Variants in PCDHGA3 observed in about 807,000 individuals in gnomAD.
PCDHGA3 encodes the protein protocadherin gamma subfamily A, 3, also known as protocadherin gamma-A3.
PCDHGA3 carries 40 observed loss-of-function variants against 58.5 expected under a neutral mutation model. The observed-to-expected ratio is 0.68, with a 90% CI of 0.53 to 0.89. The LOEUF (loss-of-function observed/expected upper bound fraction) is 0.89. PCDHGA3 is among the 40% of genes least tolerant of loss of function. The pLI is 0.00. For missense variants in PCDHGA3, 1,223 were observed against 1,195.9 expected (o/e 1.02, Z -0.33); for synonymous variants, 530 against 525.7 (o/e 1.01, Z -0.11).
At chr5:141,437,589 T>C (rs929281293) in intron 1 of PCDHGA3, among the ~76,000 whole-genome samples, 10 of 152,306 alleles carry the variant, frequency 6.6e-5, no homozygotes, top group African/African-American at 2.2e-4. Flanking sequence ...ATGAATTGGA[T>C]AGTTCTGGTG....
intron 1 of PCDHGA3, chr5:141,404,646 C>G (rs1461001534): frequency 3.1e-6 from 5 of 1,614,208 alleles, no homozygotes; most frequent in Non-Finnish European, 3.4e-6. Flanking sequence ...ATCCTGTACC[C>G]TGCCCTCCCC....
intron 1 of PCDHGA3, chr5:141,350,354 C>T: frequency 1.3e-6 from 2 of 1,564,932 alleles, no homozygotes; most frequent in South Asian, 1.2e-5. Context: ...CCAGCAGATC[C>T]GATACACGAT....
In PCDHGA3 at chr5:141,351,829, C is replaced by T. The variant is rs1330415578; in HGVS notation, c.2424+5372C>T. On this transcript the variant is annotated intron_variant, in intron 1 of 3. Transcript: ENST00000253812. ...CCTTCGACCACGAGCAGCTGCGCGCCTTCGAGCTCACACTGCAGGCCAGGG... is the reference window on the plus strand; with the variant it reads ...CCTTCGACCACGAGCAGCTGCGCGCTTTCGAGCTCACACTGCAGGCCAGGG... 10 of 1,613,244 alleles carry T rather than the reference C, an allele frequency of 6.2e-6. No homozygotes were observed. The Middle Eastern group carries it at 5.0e-4, about 80-fold the overall frequency.
In PCDHGA3 at chr5:141,432,958, A is replaced by C; in HGVS notation, c.2425-61849A>C. 6.2e-7 allele frequency: 1 copy of C among 1,614,182 alleles called. No individual in the cohort carries two copies. Among genetic ancestry groups the C allele is most frequent in the African/African-American group, 1.3e-5 (1 of 75,056 alleles). On this transcript the variant is annotated intron_variant, in intron 1 of 3. Transcript: ENST00000253812. This position sits in a 1 kb window ranked among gnomAD's most constrained non-coding sequence, Gnocchi z 6.0. ...TGCAGGCTTCAGGAGGCGGCTTGAC[A>C]GGAGCGCCGGCGTCGCACTTTGTGG...
In PCDHGA3 at chr5:141,360,206, T is replaced by C. The variant is rs370543989; in HGVS notation, c.2424+13749T>C. The C allele has an allele frequency of 1.1e-5, 17 of 1,612,996 alleles. No homozygotes were observed. The highest frequency in any genetic ancestry group is 1.4e-5 in the Non-Finnish European group (16 of 1,179,490). On this transcript the variant is annotated intron_variant, in intron 1 of 3. Transcript: ENST00000253812. ...GTACTGTTGCCCTTCCTGTTGTCTT[T>C]GTTCCCCGGGGCTCTCCCAGTCCAG...
rs1160254496 is a variant in PCDHGA3, at chr5:141,361,417, G to A, written c.2424+14960G>A. The A allele has an allele frequency of 1.9e-6, 3 of 1,613,898 alleles. No individual in the cohort carries two copies. The highest frequency in any genetic ancestry group is 2.7e-5 in the African/African-American group (2 of 74,936). On this transcript the variant is annotated intron_variant, in intron 1 of 3. Coordinates refer to ENST00000253812, the MANE Select transcript of PCDHGA3 (RefSeq NM_018916.4). ...TCTCACCATCACAGCCACCGACGGG[G>A]GCAAGCCGCCCCTCTCCTCCAGCAT...
At position 141,345,599 on chromosome 5, in the gene PCDHGA3, C is replaced by T. The variant is rs1364099035; in HGVS notation, c.1566C>T (p.Tyr522=). Reference sequence around the variant, plus strand: ...TATACGCGCTGAGATCCTTCGACTACGAGCAATTTAGAGACTTAAAGCTAC... The same window carrying T: ...TATACGCGCTGAGATCCTTCGACTATGAGCAATTTAGAGACTTAAAGCTAC... ...GVLYALRSFD[Y]EQFRDLKLLV... Residue 522 remains tyrosine, a synonymous_variant, in exon 1 of 4, where the codon TAC becomes TAT. Coordinates refer to ENST00000253812, the MANE Select transcript of PCDHGA3 (RefSeq NM_018916.4). 1 of 1,614,080 alleles carries T rather than the reference C, an allele frequency of 6.2e-7. No individual in the cohort carries two copies. Among genetic ancestry groups the T allele is most frequent in the Non-Finnish European group, 8.5e-7 (1 of 1,180,052 alleles).
intron 1 of PCDHGA3, chr5:141,430,643 T>C (rs1432236231): frequency 2.1e-6 from 2 of 947,068 alleles, no homozygotes; most frequent in Non-Finnish European, 3.0e-6. Context: ...CCTGGGAGTA[T>C]GTGGAAACAA....
In PCDHGA3 at chr5:141,512,517, A is replaced by G. The variant is rs985434754; in HGVS notation, c.*1344A>G. ...GTCCCCAGTGCGCCCCCTAGTGGCC[A>G]TAGCCTGGTTAAAGTTCCCCAGTGC... On this transcript the variant is annotated 3_prime_UTR_variant, in exon 4 of 4. Coordinates refer to ENST00000253812, the MANE Select transcript of PCDHGA3 (RefSeq NM_018916.4). 3 of 152,938 alleles carry G rather than the reference A, an allele frequency of 2.0e-5. No individual in the cohort carries two copies. Among genetic ancestry groups the G allele is most frequent in the African/African-American group, 7.2e-5 (3 of 41,464 alleles). 9.5% of individuals were successfully genotyped at this position (152,938 alleles called of 1,614,324 possible).
intron 1 of PCDHGA3, chr5:141,352,777 G>C (rs1046343321): frequency 3.4e-6 from 4 of 1,181,934 alleles, no homozygotes; most frequent in Admixed American, 4.5e-5. Context: ...ATCACTTGAG[G>C]TCAGGAGTTT....
At position 141,394,905 on chromosome 5, in the gene PCDHGA3, G is replaced by A. The variant is rs1281710551; in HGVS notation, c.2424+48448G>A. On this transcript the variant is annotated intron_variant, in intron 1 of 3. Transcript: ENST00000253812. ...TACACTCTATCTCGTGGTGGCAGTG[G>A]CTGCCATCTCCTGTGTCTTCCTCGC... The A allele has an allele frequency of 1.2e-6, 2 of 1,613,720 alleles. No individual in the cohort carries two copies. Among genetic ancestry groups the A allele is most frequent in the Non-Finnish European group, 1.7e-6 (2 of 1,179,870 alleles).
intron 1 of PCDHGA3, among the ~76,000 whole-genome samples, chr5:141,438,747 T>C (rs2098059577): frequency 6.7e-6 from 1 of 148,680 alleles, no homozygotes. Flanking sequence ...CTGCAACCTC[T>C]GCCTCCTGGG....
At chr5:141,461,794 C>T (rs191966750) in intron 1 of PCDHGA3, among the ~76,000 whole-genome samples, 7 of 152,134 alleles carry the variant, frequency 4.6e-5, no homozygotes, top group African/African-American at 1.7e-4. Flanking sequence ...GCTGGGATTA[C>T]AGGTGCCCAC....
At chr5:141,497,464 T>G (rs1277760390) in intron 2 of PCDHGA3, among the ~76,000 whole-genome samples, 1 of 151,764 alleles carries the variant, frequency 6.6e-6, no homozygotes, top group Non-Finnish European at 1.5e-5. Flanking sequence ...CTTGGAGATA[T>G]GGAGGAGAAG....
At chr5:141,428,792 T>A (rs1590880161) in intron 1 of PCDHGA3, 1 of 152,978 alleles carries the variant, frequency 6.5e-6, no homozygotes, top group Middle Eastern at 3.4e-3. Flanking sequence ...TTCCTTTCTG[T>A]GTGGGCCAGT....
chr5:141,371,481 G>A (rs1296629306), intron 1 of PCDHGA3: 1 of 1,613,956 alleles, frequency 6.2e-7, no homozygotes, highest in South Asian at 1.1e-5. Flanking sequence ...TGCTGAGCTG[G>A]GGACTGCCGT....
intron 1 of PCDHGA3, chr5:141,372,185 C>T: frequency 6.2e-7 from 1 of 1,613,630 alleles, no homozygotes; most frequent in Non-Finnish European, 8.5e-7. Context: ...TGGACGCAGA[C>T]TCGGGATACA....
chr5:141,403,358 G>C (rs1031210052), intron 1 of PCDHGA3: 3 of 1,614,026 alleles, frequency 1.9e-6, no homozygotes, highest in Non-Finnish European at 2.5e-6. Flanking sequence ...GTTCCAGGCC[G>C]AAAGTCTGGA....
Position 141,360,662 on chromosome 5 carries a change from A to C in PCDHGA3, c.2424+14205A>C. 5 of 1,614,014 alleles carry C rather than the reference A, an allele frequency of 3.1e-6. No individual in the cohort carries two copies. The Middle Eastern group carries it at 6.6e-4, about 213-fold the overall frequency. On this transcript the variant is annotated intron_variant, in intron 1 of 3. Transcript: ENST00000253812. ...CAAAGATACCACCTTAATGACAACG[A>C]GTACTTTGATCTCGCTGAGAAACAG...
Sources: gnomAD v4.1 joint callset for allele counts (sites outside exome capture counted in the v4.1 genomes callset) on GRCh38, gnomAD v4.1.1 for gene constraint, Gnocchi (gnomAD v3.1) non-coding constraint, MANE v1.5 for transcripts, NCBI Gene and HGNC (gene_info 2026-07-23, HGNC 2026-07-21) for gene names.